The following EPHA5 variants were observed in gnomAD, a reference collection of about 807,000 sequenced individuals.
EPHA5 encodes the protein ephrin type-A receptor 5.
Under a neutral mutation model 105.0 loss-of-function variants are expected in EPHA5, and 60 were observed. The observed-to-expected ratio is 0.57, with a 90% CI of 0.46 to 0.71. The LOEUF (loss-of-function observed/expected upper bound fraction) is 0.71, where lower values mean the gene tolerates loss of function less well. Ranked by LOEUF, EPHA5 falls within the 30% of genes least tolerant of loss-of-function variation. The pLI is 0.00. For synonymous variants in EPHA5, 513 were observed against 449.1 expected (o/e 1.14, Z -1.80); for missense variants, 1,218 against 1,274.7 (o/e 0.96, Z 0.68).
chr4:65,389,966 G>A (rs1720538311), intron 8 of EPHA5, among the ~76,000 whole-genome samples: 1 of 151,744 alleles, frequency 6.6e-6, no homozygotes, highest in Non-Finnish European at 1.5e-5. Flanking sequence ...GGTGTAGTAA[G>A]GGGGAAAAAA....
At chr4:65,472,830 A>T (rs1215529000) in intron 5 of EPHA5, among the ~76,000 whole-genome samples, 1 of 152,216 alleles carries the variant, frequency 6.6e-6, no homozygotes, top group Non-Finnish European at 1.5e-5. Flanking sequence ...GGCCCTGGAC[A>T]CATTTTCCCC....
In EPHA5 at chr4:65,618,033, A is replaced by G. The variant is rs189236773; in HGVS notation, c.247-15729T>C. On this transcript the variant is annotated intron_variant, in intron 2 of 16. Coordinates refer to ENST00000613740, the MANE Select transcript of EPHA5 (RefSeq NM_001281766.3). ...TATTTTTCTTCTCCTCATATAAAAT[A>G]GAATGTTAAAATTATTTGATGGTAT... 3.5e-3 allele frequency among the ~76,000 whole-genome samples: 537 copies of G among 152,298 alleles called. 3 individuals are homozygous for G. Among genetic ancestry groups the G allele is most frequent in the Non-Finnish European group, 5.4e-3 (370 of 68,002 alleles).
chr4:65,474,964 T>A (rs1435240706), intron 5 of EPHA5, among the ~76,000 whole-genome samples: 1 of 152,204 alleles, frequency 6.6e-6, no homozygotes, highest in Non-Finnish European at 1.5e-5. Flanking sequence ...CTATTTTTAA[T>A]AATTGCATTT....
intron 3 of EPHA5, among the ~76,000 whole-genome samples, chr4:65,596,614 G>A (rs962286764): frequency 4.6e-5 from 7 of 151,932 alleles, no homozygotes; most frequent in Non-Finnish European, 1.0e-4. Flanking sequence ...ATTCTCTTGT[G>A]TAATGTTTGT....
At chr4:65,501,389 G>A (rs1732473023) in intron 3 of EPHA5, among the ~76,000 whole-genome samples, 2 of 151,530 alleles carry the variant, frequency 1.3e-5, no homozygotes, top group Admixed American at 1.3e-4. Flanking sequence ...TCCTGGATCT[G>A]ATAAATGACA....
At chr4:65,568,536 CG>C (rs1560708480) in intron 3 of EPHA5, among the ~76,000 whole-genome samples, 1 of 150,792 alleles carries the variant, frequency 6.6e-6, no homozygotes, top group East Asian at 1.9e-4. Flanking sequence ...TTAACAACAA[CG>C]CATCCCTTTT....
intron 14 of EPHA5, among the ~76,000 whole-genome samples, chr4:65,341,986 T>C (rs574096310): frequency 6.6e-6 from 1 of 152,168 alleles, no homozygotes; most frequent in Non-Finnish European, 1.5e-5. Flanking sequence ...TATTCTAAGA[T>C]AGTTATTAAA....
chr4:65,632,880 A>G (rs186481376), intron 2 of EPHA5, among the ~76,000 whole-genome samples: 1 of 152,184 alleles, frequency 6.6e-6, no homozygotes, highest in African/African-American at 2.4e-5. Context: ...TATCATTAAG[A>G]TGGATTTTAT....
chr4:65,425,173 A>T (rs1195066907), intron 5 of EPHA5, among the ~76,000 whole-genome samples: 1 of 151,896 alleles, frequency 6.6e-6, no homozygotes, highest in African/African-American at 2.4e-5. Context: ...ATGTGTTAAA[A>T]ACTTCATCAG....
At chr4:65,412,895 T>C (rs1004816378) in intron 7 of EPHA5, among the ~76,000 whole-genome samples, 7 of 152,170 alleles carry the variant, frequency 4.6e-5, no homozygotes, top group African/African-American at 1.7e-4. Flanking sequence ...TACAGTTGTT[T>C]TTTTAAATGG....
chr4:65,328,265 G>A (rs1005501676), intron 16 of EPHA5, among the ~76,000 whole-genome samples: 5 of 151,166 alleles, frequency 3.3e-5, no homozygotes, highest in African/African-American at 1.2e-4. Flanking sequence ...TTTTAGAAAA[G>A]CTTCAAATGT....
intron 5 of EPHA5, among the ~76,000 whole-genome samples, chr4:65,482,612 G>C (rs1326744328): frequency 6.6e-6 from 1 of 152,036 alleles, no homozygotes. Context: ...TGAGTCATCT[G>C]ACCCTTGGCA....
rs922998508 is a variant in EPHA5 at position 65,593,177 on chromosome 4, G to A, written c.910+8464C>T. Reference sequence around the variant, plus strand: ...CTCTTAAGTCATAATGCAATTATCAGAAAGAAGTATTATTAGTTCTAATAC... The same window carrying A: ...CTCTTAAGTCATAATGCAATTATCAAAAAGAAGTATTATTAGTTCTAATAC... On this transcript the variant is annotated intron_variant, in intron 3 of 16. Transcript: ENST00000613740. Among the ~76,000 whole-genome samples, 10 of 152,006 alleles carry A rather than the reference G, an allele frequency of 6.6e-5. No individual in the cohort carries two copies. The South Asian group carries it at 1.7e-3, about 25-fold the overall frequency.
In EPHA5 at chr4:65,605,613, A is replaced by G. The variant is rs551539981; in HGVS notation, c.247-3309T>C. ...AAGTTATTAGGGGTGCCCATTATCT[A>G]GTTCTGTTTTCATTATTATGTTTCT... On this transcript the variant is annotated intron_variant, in intron 2 of 16. Transcript: ENST00000613740. 2.8e-4 allele frequency among the ~76,000 whole-genome samples: 42 copies of G among 152,260 alleles called. 1 individual carries two copies. Among genetic ancestry groups the G allele is most frequent in the Middle Eastern group, 3.4e-3 (1 of 294 alleles).
At chr4:65,593,682 A>T (rs930244120) in intron 3 of EPHA5, among the ~76,000 whole-genome samples, 12 of 152,200 alleles carry the variant, frequency 7.9e-5, no homozygotes, top group Admixed American at 3.3e-4. Context: ...AATATTTCAC[A>T]GAGGAAGAAA....
intron 2 of EPHA5, among the ~76,000 whole-genome samples, chr4:65,612,093 G>A (rs1290088200): frequency 6.6e-6 from 1 of 150,376 alleles, no homozygotes; most frequent in Non-Finnish European, 1.5e-5. Flanking sequence ...TCTACTGTCA[G>A]TACGTTGTCC....
intron 8 of EPHA5, among the ~76,000 whole-genome samples, chr4:65,398,822 A>G (rs1360823162): frequency 6.6e-6 from 1 of 152,044 alleles, no homozygotes; most frequent in African/African-American, 2.4e-5. Context: ...GGGATGATCT[A>G]CCTGCAGAAA....
intron 7 of EPHA5, among the ~76,000 whole-genome samples, chr4:65,409,219 C>T (rs10007672): frequency 0.14 from 14,426 of 106,450 alleles, 1,091 homozygotes; most frequent in African/African-American, 0.21. Context: ...AGGGATAGCA[C>T]TGGGAGATAT....
chr4:65,389,196 G>A (rs193212766), intron 8 of EPHA5, among the ~76,000 whole-genome samples: 16 of 152,134 alleles, frequency 1.1e-4, no homozygotes, highest in Non-Finnish European at 1.8e-4. Flanking sequence ...CAAGCTTAAT[G>A]TGTCTATTGC....
Sources: allele counts gnomAD v4.1 joint callset (sites outside exome capture counted in the v4.1 genomes callset), GRCh38; gene constraint gnomAD v4.1.1; transcripts MANE v1.5; gene names NCBI Gene and HGNC (gene_info 2026-07-23, HGNC 2026-07-21).